The following CFAP97D2 variants were observed in gnomAD, a reference collection of about 807,000 sequenced individuals.
CFAP97D2 encodes uncharacterized protein CFAP97D2.
At chr13:114,213,662 T>G in intron 4 of CFAP97D2, among the ~76,000 whole-genome samples, 1 of 122,720 alleles carries the variant, frequency 8.1e-6, no homozygotes, top group Non-Finnish European at 1.7e-5. Flanking sequence ...CCCACCCCTG[T>G]GGAAGCTCCA....
chr13:114,213,716 C>G (rs1209824871), intron 4 of CFAP97D2, among the ~76,000 whole-genome samples: 1 of 147,224 alleles, frequency 6.8e-6, no homozygotes, highest in Non-Finnish European at 1.5e-5. Context: ...GACCATGAAC[C>G]CTACCCCTAT....
intron 3 of CFAP97D2, among the ~76,000 whole-genome samples, chr13:114,208,173 G>C (rs1283333016): frequency 6.6e-6 from 1 of 152,160 alleles, no homozygotes; most frequent in East Asian, 1.9e-4. Flanking sequence ...AGGAACTCCT[G>C]TGCCTTTCTT....
At position 114,207,237 on chromosome 13, in the gene CFAP97D2, G is replaced by T. The variant is rs914867693; in HGVS notation, c.291-4675G>T. ...TCGCAAACCAGAAAGTATCTAGACA[G>T]GTCTCAAACAATCTAGGGGTTTATT... On this transcript the variant is annotated intron_variant, in intron 3 of 4. Coordinates refer to ENST00000646158, the Ensembl canonical transcript of CFAP97D2. The surrounding 1 kb of genome is among the most constrained non-coding windows in gnomAD (Gnocchi z 4.9). Among the ~76,000 whole-genome samples, 8 of 152,212 alleles carry T rather than the reference G, an allele frequency of 5.3e-5. No individual in the cohort carries two copies. Among genetic ancestry groups the T allele is most frequent in the African/African-American group, 1.9e-4 (8 of 41,454 alleles).
At chr13:114,181,366 G>A (rs560827315) in intron 1 of CFAP97D2, among the ~76,000 whole-genome samples, 47 of 152,288 alleles carry the variant, frequency 3.1e-4, no homozygotes, top group African/African-American at 1.1e-3. Flanking sequence ...GCTGAGGGGC[G>A]TGAGGGTAGG....
At chr13:114,190,663 G>A (rs2080866209) in intron 1 of CFAP97D2, among the ~76,000 whole-genome samples, 1 of 152,164 alleles carries the variant, frequency 6.6e-6, no homozygotes, top group Non-Finnish European at 1.5e-5. Flanking sequence ...TTATGTTAAT[G>A]GATAGGAAGA....
intron 1 of CFAP97D2, among the ~76,000 whole-genome samples, chr13:114,192,534 T>A (rs1291335667): frequency 1.3e-5 from 2 of 152,208 alleles, no homozygotes. Flanking sequence ...AAGAAAATTA[T>A]ACCAAACATT....
At position 114,187,597 on chromosome 13, in the gene CFAP97D2, T is replaced by TTGTTGA. The variant is rs2080856365; in HGVS notation, c.90+8177_90+8178insTGTTGA. Among the ~76,000 whole-genome samples the TTGTTGA allele has an allele frequency of 6.6e-6, 1 of 152,190 alleles. No individual in the cohort carries two copies. The highest frequency in any genetic ancestry group is 1.5e-5 in the Non-Finnish European group (1 of 68,008). ...TGTGCAAGCACCTAACAATAGAATATCAAACTACTTGAGATACTACAAGAA... is the reference window on the plus strand; with the variant it reads ...TGTGCAAGCACCTAACAATAGAATATTGTTGACAAACTACTTGAGATACTACAAGAA... On this transcript the variant is annotated intron_variant, in intron 1 of 4. Coordinates refer to ENST00000646158, the Ensembl canonical transcript of CFAP97D2. The surrounding 1 kb of genome is among the most constrained non-coding windows in gnomAD (Gnocchi z 4.2).
chr13:114,218,405 C>G (rs189818224), intron 4 of CFAP97D2, among the ~76,000 whole-genome samples: 1 of 152,146 alleles, frequency 6.6e-6, no homozygotes, highest in Non-Finnish European at 1.5e-5. Flanking sequence ...GAACATTCCA[C>G]GCTCATGGAT....
At chr13:114,214,897 T>G (rs746265247) in intron 4 of CFAP97D2, among the ~76,000 whole-genome samples, 2 of 150,986 alleles carry the variant, frequency 1.3e-5, no homozygotes, top group Non-Finnish European at 2.9e-5. Flanking sequence ...TACAAAATAT[T>G]TTATACAGAT....
intron 1 of CFAP97D2, among the ~76,000 whole-genome samples, chr13:114,183,569 C>A (rs941623914): frequency 6.6e-6 from 1 of 152,152 alleles, no homozygotes; most frequent in Non-Finnish European, 1.5e-5. Flanking sequence ...GATGAGGTCA[C>A]GCTCTGCTTC....
In CFAP97D2 at chr13:114,186,530, G is replaced by A. The variant is rs910733346; in HGVS notation, c.90+7110G>A. ...AAACATGCCCCTTGTTCACCATGCTGTGGGTGAAGAGGAGAAAAGAGAGAA... is the reference window on the plus strand; with the variant it reads ...AAACATGCCCCTTGTTCACCATGCTATGGGTGAAGAGGAGAAAAGAGAGAA... On this transcript the variant is annotated intron_variant, in intron 1 of 4. Transcript: ENST00000646158. This position sits in a 1 kb window ranked among gnomAD's most constrained non-coding sequence, Gnocchi z 4.3. Among the ~76,000 whole-genome samples, 7 of 152,234 alleles carry A rather than the reference G, an allele frequency of 4.6e-5. No individual in the cohort carries two copies. Among genetic ancestry groups the A allele is most frequent in the African/African-American group, 1.7e-4 (7 of 41,462 alleles).
intron 1 of CFAP97D2, among the ~76,000 whole-genome samples, chr13:114,192,881 C>G (rs1012339682): frequency 6.6e-6 from 1 of 152,002 alleles, no homozygotes; most frequent in Non-Finnish European, 1.5e-5. Context: ...TCCATAGAGG[C>G]AGAAAATATT....
chr13:114,182,256 C>T lies in CFAP97D2; in HGVS notation c.90+2836C>T, dbSNP rs555974061. The stretch of plus-strand genomic sequence containing the variant: ...GCACGTAGGCCAGATTTATGTTTCT[C>T]TCCGCCCAAACATCTCAGTGGAGTA... On this transcript the variant is annotated intron_variant, in intron 1 of 4. Transcript: ENST00000646158. 7.9e-3 allele frequency among the ~76,000 whole-genome samples: 1,145 copies of T among 144,228 alleles called. 16 individuals are homozygous for T. The highest frequency in any genetic ancestry group is 0.027 in the African/African-American group (1,072 of 39,116). The allele number at this position is 144,228 out of a possible 152,430, so 94.6% of individuals were successfully genotyped here.
chr13:114,202,253 A>G (rs1191641220), intron 3 of CFAP97D2, among the ~76,000 whole-genome samples: 3 of 152,332 alleles, frequency 2.0e-5, no homozygotes, highest in East Asian at 3.9e-4. Flanking sequence ...TAAGGCTGCA[A>G]TCAGAGTTTA....
intron 4 of CFAP97D2, among the ~76,000 whole-genome samples, chr13:114,212,466 G>A (rs1352674017): frequency 6.6e-6 from 1 of 152,174 alleles, no homozygotes; most frequent in African/African-American, 2.4e-5. Context: ...ATAACCCCCA[G>A]CACTTTGGGA....
Position 114,182,308 on chromosome 13 carries a change from A to G in CFAP97D2, c.90+2888A>G, listed in dbSNP as rs540900408. ...AGAATAACAAGGCAGCATTACTGCA[A>G]ACATGTCTCGCCTCCCGCCATAGGG... On this transcript the variant is annotated intron_variant, in intron 1 of 4. Transcript: ENST00000646158. Among the ~76,000 whole-genome samples, 162 of 152,104 alleles carry G rather than the reference A, an allele frequency of 1.1e-3. 1 individual carries two copies. The Middle Eastern group carries it at 0.014, about 13-fold the overall frequency.
rs191322835 is a variant in CFAP97D2, at chr13:114,189,912, A to C, written c.91-6484A>C. Among the ~76,000 whole-genome samples, 2 of 152,228 alleles carry C rather than the reference A, an allele frequency of 1.3e-5. No individual in the cohort carries two copies. The highest frequency in any genetic ancestry group is 1.3e-4 in the Admixed American group (2 of 15,280). The stretch of plus-strand genomic sequence containing the variant: ...ATCAGAACACTTTGGGTGGCTGAAG[A>C]GGGAGGATCACTTGAGCCCAGGAGT... On this transcript the variant is annotated intron_variant, in intron 1 of 4. Coordinates refer to ENST00000646158, the Ensembl canonical transcript of CFAP97D2. The surrounding 1 kb of genome is among the most constrained non-coding windows in gnomAD (Gnocchi z 4.5).
At chr13:114,205,339 A>G (rs2138775446) in intron 3 of CFAP97D2, among the ~76,000 whole-genome samples, 1 of 152,366 alleles carries the variant, frequency 6.6e-6, no homozygotes, top group South Asian at 2.1e-4. Context: ...TCCCAAGTAT[A>G]TAACCAAGAG....
chr13:114,210,150 G>A (rs2138781011), intron 3 of CFAP97D2, among the ~76,000 whole-genome samples: 1 of 152,178 alleles, frequency 6.6e-6, no homozygotes, highest in African/African-American at 2.4e-5. Context: ...GCACATATAT[G>A]TATTAAGTAT....
Sources: allele counts gnomAD v4.1 joint callset (sites outside exome capture counted in the v4.1 genomes callset), GRCh38; gene constraint gnomAD v4.1.1; non-coding constraint Gnocchi (gnomAD v3.1); transcripts MANE v1.5; gene names NCBI Gene and HGNC (gene_info 2026-07-23, HGNC 2026-07-21).